The following DCDC1 variants were observed in gnomAD, a reference collection of about 807,000 sequenced individuals.
The protein encoded by DCDC1 is doublecortin domain containing 1.
Under a neutral mutation model 178.3 loss-of-function variants are expected in DCDC1, and 200 were observed. That is an observed-to-expected ratio of 1.12 (90% CI 1.00 to 1.26). The LOEUF is 1.26. DCDC1 is among the 50% of genes most tolerant of loss of function. The pLI is 0.00. For synonymous variants in DCDC1, 690 were observed against 604.8 expected (o/e 1.14, Z -2.07); for missense variants, 1,983 against 1,749.2 (o/e 1.13, Z -2.38).
At chr11:30,997,297 G>C (rs1575231) in intron 20 of DCDC1, among the ~76,000 whole-genome samples, 14 of 152,174 alleles carry the variant, frequency 9.2e-5, no homozygotes, top group Non-Finnish European at 1.6e-4. Context: ...AAAACTCATA[G>C]AACTGTATGC....
chr11:31,337,658 C>CTTAA, intron 1 of DCDC1, among the ~76,000 whole-genome samples: 1 of 150,122 alleles, frequency 6.7e-6, no homozygotes, highest in East Asian at 2.0e-4. Flanking sequence ...GAGACCCTGT[C>CTTAA]TCAATCAATC....
chr11:31,029,216 A>C (rs1227671113), intron 20 of DCDC1, among the ~76,000 whole-genome samples: 1 of 152,124 alleles, frequency 6.6e-6, no homozygotes, highest in Non-Finnish European at 1.5e-5. Context: ...TAAGGCAAGA[A>C]ATCAAAAACA....
At chr11:31,216,436 T>C (rs367948937) in intron 9 of DCDC1, among the ~76,000 whole-genome samples, 74 of 152,208 alleles carry the variant, frequency 4.9e-4, no homozygotes, top group Middle Eastern at 3.4e-3. Flanking sequence ...GAGCAGAACT[T>C]TGACTTGTTC....
At chr11:30,971,934 A>G (rs532995773) in intron 20 of DCDC1, among the ~76,000 whole-genome samples, 3 of 152,098 alleles carry the variant, frequency 2.0e-5, no homozygotes, top group African/African-American at 7.2e-5. Context: ...GAAATAACCA[A>G]TCAAACAAAA....
At chr11:31,173,375 A>C (rs190510089) in intron 9 of DCDC1, among the ~76,000 whole-genome samples, 1 of 152,320 alleles carries the variant, frequency 6.6e-6, no homozygotes, top group African/African-American at 2.4e-5. Flanking sequence ...TTTTAAGATG[A>C]AAATATAAAA....
intron 1 of DCDC1, among the ~76,000 whole-genome samples, chr11:31,342,762 A>G (rs1328839014): frequency 6.6e-6 from 1 of 152,206 alleles, no homozygotes; most frequent in African/African-American, 2.4e-5. Flanking sequence ...AACCACTTGC[A>G]GAAAAAAATC....
At chr11:30,872,150 C>T (rs1425005201) in intron 38 of DCDC1, among the ~76,000 whole-genome samples, 1 of 152,094 alleles carries the variant, frequency 6.6e-6, no homozygotes, top group East Asian at 1.9e-4. Context: ...GCCTGTTAGT[C>T]CAACATTCTA....
At position 31,182,910 on chromosome 11, in the gene DCDC1, A is replaced by G. The variant is rs186189332; in HGVS notation, c.1222-45126T>C. ...AAAATAAAGGGATGGAGGAATACTT[A>G]CCAAGCAAATGGAAAGCAAAAAAAA... is the stretch of plus-strand genomic sequence containing the variant. On this transcript the variant is annotated intron_variant, in intron 9 of 38. Transcript: ENST00000684477. 2.3e-4 allele frequency among the ~76,000 whole-genome samples: 34 copies of G among 148,482 alleles called. No individual in the cohort carries two copies. In the East Asian group the frequency reaches 6.4e-3, roughly 28 times the overall value.
At chr11:31,341,602 T>C (rs1950551170) in intron 1 of DCDC1, among the ~76,000 whole-genome samples, 1 of 152,156 alleles carries the variant, frequency 6.6e-6, no homozygotes, top group African/African-American at 2.4e-5. Flanking sequence ...CTGTACAGCA[T>C]GTAACTGTGT....
chr11:30,999,947 T>C (rs1274023892), intron 20 of DCDC1, among the ~76,000 whole-genome samples: 1 of 152,086 alleles, frequency 6.6e-6, no homozygotes, highest in Non-Finnish European at 1.5e-5. Context: ...CCTTTAAGAA[T>C]GAAGTCAACT....
chr11:30,916,914 C>G lies in DCDC1; in HGVS notation c.3408G>C (p.Thr1136=), dbSNP rs755765472. 1.2e-6 allele frequency: 2 copies of G among 1,607,274 alleles called. No homozygotes were observed. Among genetic ancestry groups the G allele is most frequent in the Non-Finnish European group, 1.7e-6 (2 of 1,177,208 alleles). The change falls in exon 26 of 39, where the codon ACG becomes ACC. Residue 1136 remains threonine, a synonymous_variant. Transcript: ENST00000684477. ...CCACATTTTCAAAGAGCCCTTTTTC[C>G]GTTTTCTTTGGAAGACTGTCATCCT... The part of the protein sequence containing the change: ...FDEDDSLPKK[T]EKGLFENVEP...
chr11:31,312,114 T>C (rs1409017629), intron 3 of DCDC1, among the ~76,000 whole-genome samples: 1 of 152,116 alleles, frequency 6.6e-6, no homozygotes, highest in Non-Finnish European at 1.5e-5. Flanking sequence ...AGGAGTCTTC[T>C]CTCAACAGTT....
chr11:31,169,096 A>C (rs1281070202), intron 9 of DCDC1, among the ~76,000 whole-genome samples: 1 of 152,198 alleles, frequency 6.6e-6, no homozygotes, highest in Non-Finnish European at 1.5e-5. Flanking sequence ...ACATGGATGA[A>C]GCTGGAAGCC....
chr11:31,188,993 A>T (rs2136334897), intron 9 of DCDC1, among the ~76,000 whole-genome samples: 2 of 152,268 alleles, frequency 1.3e-5, no homozygotes, highest in South Asian at 4.1e-4. Context: ...CCATGTGAGG[A>T]TGCAGCCAAG....
At chr11:31,278,775 C>T (rs1464909494) in intron 7 of DCDC1, among the ~76,000 whole-genome samples, 5 of 151,470 alleles carry the variant, frequency 3.3e-5, no homozygotes, top group Non-Finnish European at 7.4e-5. Context: ...TGTAGTATAC[C>T]ATAAATACAT....
intron 34 of DCDC1, among the ~76,000 whole-genome samples, chr11:30,896,587 T>G (rs936271530): frequency 1.3e-5 from 2 of 152,210 alleles, no homozygotes; most frequent in African/African-American, 4.8e-5. Context: ...GCAGACTTAT[T>G]TCGCTTTCAC....
intron 8 of DCDC1, among the ~76,000 whole-genome samples, chr11:31,250,415 C>CACACACAT (rs1223526182): frequency 2.7e-5 from 2 of 73,672 alleles, no homozygotes; most frequent in African/African-American, 1.0e-4. Context: ...CACACACACA[C>CACACACAT]ATATACATAT....
rs1412482759 is a variant in DCDC1, at chr11:30,960,183, AG to A, written c.2592-7616del. On this transcript the variant is annotated intron_variant, in intron 20 of 38. Transcript: ENST00000684477. ...TAATCTTCAAGTATAAATATATAATAGAACAACTATATGTATATATCTTATA... is the reference window on the plus strand; with the variant it reads ...TAATCTTCAAGTATAAATATATAATAAACAACTATATGTATATATCTTATA... 2.6e-5 allele frequency among the ~76,000 whole-genome samples: 4 copies of A among 152,308 alleles called. No homozygotes were observed. In the South Asian group the frequency reaches 8.3e-4, roughly 32 times the overall value.
chr11:30,888,116 AAGAAAGAAAG>A (rs1943423272), intron 36 of DCDC1, among the ~76,000 whole-genome samples: 1 of 143,108 alleles, frequency 7.0e-6, no homozygotes, highest in Non-Finnish European at 1.5e-5. Flanking sequence ...GAAAGAAAGA[AAGAAAGAAAG>A]AAAGAAAGAA....
Sources: allele counts gnomAD v4.1 joint callset (sites outside exome capture counted in the v4.1 genomes callset), GRCh38; gene constraint gnomAD v4.1.1; transcripts MANE v1.5; gene names NCBI Gene and HGNC (gene_info 2026-07-23, HGNC 2026-07-21).